Variants in FILIP1L observed in about 807,000 individuals in gnomAD.
The protein encoded by FILIP1L is filamin A interacting protein 1 like.
A neutral mutation model predicts 96.6 loss-of-function variants in FILIP1L; 55 were observed. The observed-to-expected ratio is 0.57, with a 90% confidence interval of 0.46 to 0.71. The LOEUF is 0.71. FILIP1L is among the 30% of genes least tolerant of loss of function. FILIP1L has a pLI of 0.00. For missense variants in FILIP1L, 1,304 were observed against 1,321.2 expected (o/e 0.99, Z 0.20); for synonymous variants, 467 against 473.9 (o/e 0.99, Z 0.19).
At chr3:100,032,041 T>C (rs775082562) in intron 1 of FILIP1L, among the ~76,000 whole-genome samples, 1 of 152,144 alleles carries the variant, frequency 6.6e-6, no homozygotes, top group Non-Finnish European at 1.5e-5. Context: ...AATTATGCTT[T>C]CAGATTATAT....
At chr3:100,101,502 G>A (rs916687165) in intron 1 of FILIP1L, among the ~76,000 whole-genome samples, 4 of 152,086 alleles carry the variant, frequency 2.6e-5, no homozygotes, top group South Asian at 2.1e-4. Context: ...CCTTGCTTTC[G>A]GTGAAGTACT....
chr3:99,942,133 G>A (rs1707868897), intron 1 of FILIP1L, among the ~76,000 whole-genome samples: 1 of 151,910 alleles, frequency 6.6e-6, no homozygotes, highest in South Asian at 2.1e-4. Flanking sequence ...CCTGGGAGGT[G>A]GAGCTTTGTA....
At position 100,094,822 on chromosome 3, in the gene FILIP1L, T is replaced by C. The variant is rs533752201; in HGVS notation, c.-11+19231A>G. ...CCTCAGCCTCCCAAGTAGCTGGGAC[T>C]ACAGGCACCTGCCACCACACCTGGC... is the stretch of plus-strand genomic sequence containing the variant. On this transcript the variant is annotated intron_variant, in intron 1 of 5. Coordinates refer to ENST00000477258, the MANE Select transcript of FILIP1L (RefSeq NM_001387850.1). 1.4e-4 allele frequency among the ~76,000 whole-genome samples: 21 copies of C among 152,032 alleles called. No individual in the cohort carries two copies. The East Asian group carries it at 2.9e-3, about 21-fold the overall frequency.
chr3:100,003,339 G>C (rs1328238294), intron 1 of FILIP1L, among the ~76,000 whole-genome samples: 1 of 152,180 alleles, frequency 6.6e-6, no homozygotes, highest in Non-Finnish European at 1.5e-5. Context: ...CATAGCACCT[G>C]CCATATGCCC....
In FILIP1L at chr3:99,908,128, A is replaced by G. The variant is rs80037618; in HGVS notation, c.605+16102T>C. Among the ~76,000 whole-genome samples the G allele has an allele frequency of 1.3e-4, 20 of 152,372 alleles. 1 individual carries two copies. The East Asian group carries it at 3.7e-3, about 28-fold the overall frequency. On this transcript the variant is annotated intron_variant, in intron 4 of 5. Transcript: ENST00000477258. ...TCTAACTCGGCAGTTCTGAATCAGC[A>G]GAATTTCTGTGCTGTATCACTTTCA...
intron 4 of FILIP1L, among the ~76,000 whole-genome samples, chr3:99,902,499 A>G (rs1437919996): frequency 6.6e-6 from 1 of 152,176 alleles, no homozygotes; most frequent in East Asian, 1.9e-4. Flanking sequence ...TTATCTTGAT[A>G]TATAAGGGTA....
rs761477062 is a variant in FILIP1L at position 99,849,594 on chromosome 3, C to T, written c.2082G>A (p.Glu694=). The change falls in exon 5 of 6, where the codon GAG becomes GAA. Residue 694 remains glutamate (E), a synonymous_variant. Transcript: ENST00000477258. Reference sequence around the variant, plus strand: ...TGAAAAGCCATTGTTCATGGCTGGTCTCTGTCTTTTCTGCTAACTTGTACT... The same window carrying T: ...TGAAAAGCCATTGTTCATGGCTGGTTTCTGTCTTTTCTGCTAACTTGTACT... The part of the protein sequence containing the change: ...LAKYKLAEKT[E]TSHEQWLFKR... 49 of 1,613,428 alleles carry T rather than the reference C, an allele frequency of 3.0e-5. No individual in the cohort carries two copies. The highest frequency in any genetic ancestry group is 8.5e-6 in the Non-Finnish European group (10 of 1,180,002).
intron 1 of FILIP1L, among the ~76,000 whole-genome samples, chr3:100,057,808 G>C (rs2065490926): frequency 6.6e-6 from 1 of 152,064 alleles, no homozygotes; most frequent in Non-Finnish European, 1.5e-5. Context: ...CAAACCCTAG[G>C]TTTTTTTAAC....
chr3:100,094,770 G>A (rs769667379), intron 1 of FILIP1L, among the ~76,000 whole-genome samples: 39 of 135,356 alleles, frequency 2.9e-4, no homozygotes, highest in Non-Finnish European at 4.3e-4. Context: ...GGCAAGCTCT[G>A]CCTCCCGGGT....
chr3:99,862,605 C>T (rs893665861), intron 4 of FILIP1L, among the ~76,000 whole-genome samples: 1 of 152,188 alleles, frequency 6.6e-6, no homozygotes, highest in African/African-American at 2.4e-5. Flanking sequence ...ACAGTACCTC[C>T]AGCTCAGTTG....
At chr3:99,902,539 G>A (rs1280147963) in intron 4 of FILIP1L, among the ~76,000 whole-genome samples, 1 of 152,156 alleles carries the variant, frequency 6.6e-6, no homozygotes, top group African/African-American at 2.4e-5. Context: ...TGAGGAAATG[G>A]TGTGAAGGGT....
At chr3:99,934,990 C>T (rs1257844080) in intron 1 of FILIP1L, among the ~76,000 whole-genome samples, 1 of 152,180 alleles carries the variant, frequency 6.6e-6, no homozygotes, top group Non-Finnish European at 1.5e-5. Flanking sequence ...GACTTCTGGT[C>T]TACTGAGGAG....
chr3:99,849,146 C>T lies in FILIP1L; in HGVS notation c.2530G>A (p.Val844Met), dbSNP rs779840156. The T allele has an allele frequency of 8.7e-6, 14 of 1,614,158 alleles. No individual in the cohort carries two copies. Among genetic ancestry groups the T allele is most frequent in the South Asian group, 2.2e-5 (2 of 91,080 alleles). ...GACTGGCTGCATTTGAAGGACAGCACAGATCCCTCATCATTAGGGTCCTCG... is the reference window on the plus strand; with the variant it reads ...GACTGGCTGCATTTGAAGGACAGCATAGATCCCTCATCATTAGGGTCCTCG... ...QDEDPNDEGS[V>M]LSFKCSQSTP... The change falls in exon 5 of 6, where the codon GTG (valine) becomes ATG (methionine). Residue 844 changes from valine to methionine, a missense_variant. Coordinates refer to ENST00000477258, the MANE Select transcript of FILIP1L (RefSeq NM_001387850.1).
chr3:99,996,359 T>A (rs1709680402), intron 1 of FILIP1L, among the ~76,000 whole-genome samples: 1 of 152,188 alleles, frequency 6.6e-6, no homozygotes, highest in Non-Finnish European at 1.5e-5. Flanking sequence ...TTATTGTCCA[T>A]ATCACTGCCA....
chr3:99,979,393 G>A (rs1201806010), intron 1 of FILIP1L, among the ~76,000 whole-genome samples: 1 of 152,184 alleles, frequency 6.6e-6, no homozygotes, highest in East Asian at 1.9e-4. Context: ...TATCACAGTA[G>A]AATGATTCTA....
intron 1 of FILIP1L, among the ~76,000 whole-genome samples, chr3:100,089,863 A>G (rs1299604748): frequency 6.6e-6 from 1 of 152,224 alleles, no homozygotes; most frequent in Non-Finnish European, 1.5e-5. Context: ...TAGTTCAGTG[A>G]CCTGGAGCAA....
chr3:99,858,920 G>A (rs1340909195), intron 4 of FILIP1L, among the ~76,000 whole-genome samples: 1 of 152,174 alleles, frequency 6.6e-6, no homozygotes, highest in African/African-American at 2.4e-5. Flanking sequence ...GCTTCATCCT[G>A]ATGAAGTCCC....
intron 4 of FILIP1L, among the ~76,000 whole-genome samples, chr3:99,918,123 G>A (rs902328236): frequency 2.6e-5 from 4 of 151,980 alleles, no homozygotes; most frequent in African/African-American, 4.8e-5. Flanking sequence ...GATTACAGGC[G>A]CGCGGCACCA....
chr3:99,885,838 A>G (rs1705877766), intron 4 of FILIP1L, among the ~76,000 whole-genome samples: 1 of 152,172 alleles, frequency 6.6e-6, no homozygotes. Context: ...TACTACAACA[A>G]CAAGAAATGA....
Sources: gnomAD v4.1 joint callset for allele counts (sites outside exome capture counted in the v4.1 genomes callset) on GRCh38, gnomAD v4.1.1 for gene constraint, MANE v1.5 for transcripts, NCBI Gene and HGNC (gene_info 2026-07-23, HGNC 2026-07-21) for gene names.